The following TP63 variants were observed in gnomAD, a reference collection of about 807,000 sequenced individuals.
TP63 encodes tumor protein p63.
A neutral mutation model predicts 82.8 loss-of-function variants in TP63; 17 were observed. That is an observed-to-expected ratio of 0.21 (90% CI 0.14 to 0.31). The LOEUF is 0.31. Among genes scored for constraint, TP63 ranks in the 10% least tolerant of loss-of-function variants. The probability of loss-of-function intolerance (pLI) is 1.00; values close to 1 mark genes in which losing one functional copy is unlikely to be tolerated. For missense variants in TP63, 648 were observed against 895.3 expected, an observed-to-expected ratio of 0.72 and a Z score of 3.52; for synonymous variants, 330 against 321.7, an observed-to-expected ratio of 1.03 and a Z score of -0.28.
chr3:189,863,130 T>C (rs1009636960), intron 4 of TP63, among the ~76,000 whole-genome samples: 2 of 152,176 alleles, frequency 1.3e-5, no homozygotes. Flanking sequence ...CCCCCCACCA[T>C]CTTTCCTCTG....
At chr3:189,870,465 C>T (rs1019580785) in intron 9 of TP63, among the ~76,000 whole-genome samples, 1 of 152,000 alleles carries the variant, frequency 6.6e-6, no homozygotes, top group Non-Finnish European at 1.5e-5. Context: ...GCATAGGTTA[C>T]GTGCAAATAC....
chr3:189,691,338 CAA>C (rs781098833), intron 1 of TP63, among the ~76,000 whole-genome samples: 2,143 of 66,914 alleles, frequency 0.032, 32 homozygotes, highest in African/African-American at 0.11. Context: ...GACTCCATCT[CAA>C]AAAAAAAAAA....
At chr3:189,748,253 A>C (rs900713355) in intron 3 of TP63, among the ~76,000 whole-genome samples, 4 of 152,108 alleles carry the variant, frequency 2.6e-5, no homozygotes, top group African/African-American at 2.4e-5. Context: ...AGGAAGTCAA[A>C]TTGTTTGTCT....
chr3:189,743,524 A>T (rs1254679702), intron 3 of TP63, among the ~76,000 whole-genome samples: 7 of 152,076 alleles, frequency 4.6e-5, no homozygotes, highest in Admixed American at 4.6e-4. Flanking sequence ...ACACACACAA[A>T]CATACACACA....
intron 10 of TP63, among the ~76,000 whole-genome samples, chr3:189,876,174 A>G (rs890777167): frequency 1.3e-5 from 2 of 152,198 alleles, no homozygotes; most frequent in African/African-American, 2.4e-5. Flanking sequence ...TCATATGAGA[A>G]AAAGAATAGT....
chr3:189,864,686 C>T (rs1401165692), intron 5 of TP63, among the ~76,000 whole-genome samples: 2 of 151,640 alleles, frequency 1.3e-5, no homozygotes, highest in African/African-American at 2.4e-5. Flanking sequence ...CTTCCTGCTT[C>T]CTTCTTTTTA....
chr3:189,617,440 C>T, the TP63 span, among the ~76,000 whole-genome samples: 10 of 152,318 alleles, frequency 6.6e-5, no homozygotes, highest in African/African-American at 2.4e-4. Context: ...GGCTACCTGT[C>T]CTGTACCTGA....
At chr3:189,607,457 A>C in the TP63 span, among the ~76,000 whole-genome samples, 2 of 152,166 alleles carry the variant, frequency 1.3e-5, no homozygotes, top group Non-Finnish European at 2.9e-5. Context: ...ATTTGTGAGA[A>C]GGTATTCATT....
intron 1 of TP63, among the ~76,000 whole-genome samples, chr3:189,659,272 A>G (rs1463989038): frequency 6.6e-6 from 1 of 151,918 alleles, no homozygotes; most frequent in Non-Finnish European, 1.5e-5. Context: ...CCGTATACCC[A>G]ATGATTAGCT....
At chr3:189,763,814 C>T (rs1329002589) in intron 3 of TP63, among the ~76,000 whole-genome samples, 1 of 152,132 alleles carries the variant, frequency 6.6e-6, no homozygotes, top group Non-Finnish European at 1.5e-5. Flanking sequence ...ACTAGACGTG[C>T]AGAACATATA....
At chr3:189,753,565 T>C (rs999072777) in intron 3 of TP63, among the ~76,000 whole-genome samples, 3 of 152,056 alleles carry the variant, frequency 2.0e-5, no homozygotes, top group Non-Finnish European at 4.4e-5. Flanking sequence ...ATCATTACAT[T>C]TGAAATGAGT....
At chr3:189,796,819 T>C (rs1488337933) in intron 3 of TP63, among the ~76,000 whole-genome samples, 3 of 152,120 alleles carry the variant, frequency 2.0e-5, no homozygotes, top group African/African-American at 7.2e-5. Context: ...AAAAAAATTA[T>C]AAATTTCTTA....
intron 1 of TP63, among the ~76,000 whole-genome samples, chr3:189,660,548 C>A (rs28890547): frequency 6.6e-6 from 1 of 151,948 alleles, no homozygotes; most frequent in African/African-American, 2.4e-5. Context: ...TTTTCAGGCT[C>A]TTTTTTTGCT....
intron 10 of TP63, among the ~76,000 whole-genome samples, chr3:189,875,598 A>ATATATG (rs1718981456): frequency 2.8e-5 from 1 of 36,234 alleles, no homozygotes; most frequent in Non-Finnish European, 6.7e-5. Flanking sequence ...ACATACATAT[A>ATATATG]TATATATATA....
At chr3:189,776,498 T>G (rs1286556974) in intron 3 of TP63, among the ~76,000 whole-genome samples, 1 of 152,192 alleles carries the variant, frequency 6.6e-6, no homozygotes, top group Non-Finnish European at 1.5e-5. Flanking sequence ...AGGCTCACAA[T>G]CCTACAGAAG....
intron 3 of TP63, among the ~76,000 whole-genome samples, chr3:189,746,474 T>C (rs1235199754): frequency 6.7e-6 from 1 of 150,304 alleles, no homozygotes; most frequent in Non-Finnish European, 1.5e-5. Context: ...CATAAAAATA[T>C]AAACAACACT....
At chr3:189,614,444 G>T in the TP63 span, among the ~76,000 whole-genome samples, 1 of 152,064 alleles carries the variant, frequency 6.6e-6, no homozygotes. Context: ...CCTAGTCTTG[G>T]GTATGTCTTT....
intron 3 of TP63, among the ~76,000 whole-genome samples, chr3:189,753,444 T>C (rs963960955): frequency 1.3e-5 from 2 of 152,084 alleles, no homozygotes; most frequent in African/African-American, 4.8e-5. Flanking sequence ...TCTACTTTAG[T>C]CTGTATTAAT....
chr3:189,640,494 C>G (rs1711737642), intron 1 of TP63, among the ~76,000 whole-genome samples: 1 of 152,068 alleles, frequency 6.6e-6, no homozygotes, highest in South Asian at 2.1e-4. Context: ...CAAATGTGGT[C>G]CATTGTAAAT....
Sources: allele counts gnomAD v4.1 joint callset (sites outside exome capture counted in the v4.1 genomes callset), GRCh38; gene constraint gnomAD v4.1.1; transcripts MANE v1.5; gene names NCBI Gene and HGNC (gene_info 2026-07-23, HGNC 2026-07-21).